Variants in RPS6KA2 observed in about 807,000 individuals in gnomAD.
The protein encoded by RPS6KA2 is ribosomal protein S6 kinase A2.
Under a neutral mutation model 91.8 loss-of-function variants are expected in RPS6KA2, and 42 were observed. The observed-to-expected ratio is 0.46, with a 90% CI of 0.36 to 0.59. The LOEUF is 0.59. Ranked by LOEUF, RPS6KA2 falls within the 20% of genes least tolerant of loss-of-function variation. The probability of loss-of-function intolerance (pLI) is 0.00; values close to 1 mark genes in which losing one functional copy is unlikely to be tolerated. For missense variants in RPS6KA2, 798 were observed against 978.5 expected (o/e 0.82, Z 2.46); for synonymous variants, 414 against 393.6 (o/e 1.05, Z -0.61).
Position 166,770,981 on chromosome 6 carries a change from T to C in RPS6KA2, c.123+87219A>G. On this transcript the variant is annotated intron_variant, in intron 2 of 21. Transcript: ENST00000503859. This position sits in a 1 kb window ranked among gnomAD's most constrained non-coding sequence, Gnocchi z 5.1. ...GACGTATTTACAGTCAGCAACTTCA[T>C]TAGCAAGGGCATTACTACCATACTC... is the stretch of plus-strand genomic sequence containing the variant. The C allele has an allele frequency of 7.1e-7, 1 of 1,400,886 alleles. No individual in the cohort carries two copies. Among genetic ancestry groups the C allele is most frequent in the Non-Finnish European group, 9.9e-7 (1 of 1,012,968 alleles). 86.8% of individuals were successfully genotyped at this position (1,400,886 alleles called of 1,614,324 possible).
chr6:166,501,798 C>A (rs191756393), intron 6 of RPS6KA2, among the ~76,000 whole-genome samples: 3 of 152,300 alleles, frequency 2.0e-5, no homozygotes, highest in Admixed American at 1.3e-4. Context: ...GAGGTACCAG[C>A]CTAGCCCTAA....
In RPS6KA2 at chr6:166,494,023, C is replaced by T. The variant is rs1452457240; in HGVS notation, c.748-3282G>A. The stretch of plus-strand genomic sequence containing the variant: ...GGGAGACCCTTGGTGACAGGAGCCT[C>T]GATTTCAAGTTTACTTGGCCGATCA... On this transcript the variant is annotated intron_variant, in intron 8 of 20. Coordinates refer to ENST00000265678, the MANE Select transcript of RPS6KA2 (RefSeq NM_021135.6). The surrounding 1 kb of genome is among the most constrained non-coding windows in gnomAD (Gnocchi z 5.1). 2.6e-5 allele frequency among the ~76,000 whole-genome samples: 4 copies of T among 152,146 alleles called. No individual in the cohort carries two copies. Among genetic ancestry groups the T allele is most frequent in the Admixed American group, 6.5e-5 (1 of 15,288 alleles).
At chr6:166,832,624 A>G (rs1337601488) in intron 2 of RPS6KA2, among the ~76,000 whole-genome samples, 1 of 152,232 alleles carries the variant, frequency 6.6e-6, no homozygotes, top group Non-Finnish European at 1.5e-5. Context: ...CTTAAGAAGC[A>G]TGCTGGGAGG....
At chr6:166,587,536 G>A (rs6928849) in intron 1 of RPS6KA2, among the ~76,000 whole-genome samples, 53,721 of 151,754 alleles carry the variant, frequency 0.35, 9,825 homozygotes, top group East Asian at 0.54. Flanking sequence ...GCATAGAGTG[G>A]GTTCTCAAAA....
chr6:166,737,272 G>A lies in RPS6KA2; in HGVS notation c.123+120928C>T, dbSNP rs1434560285. Among the ~76,000 whole-genome samples, 7 of 152,178 alleles carry A rather than the reference G, an allele frequency of 4.6e-5. No homozygotes were observed. The highest frequency in any genetic ancestry group is 8.8e-5 in the Non-Finnish European group (6 of 68,032). The stretch of plus-strand genomic sequence containing the variant: ...TATTTAGAAGCAAATAAATCTGCAA[G>A]GCTATTGGCGTCTCTCCCTAATAAA... On this transcript the variant is annotated intron_variant, in intron 2 of 21. Coordinates refer to the RPS6KA2 transcript ENST00000503859. The surrounding 1 kb of genome is among the most constrained non-coding windows in gnomAD (Gnocchi z 4.3).
At chr6:166,742,042 C>T (rs539311417) in intron 2 of RPS6KA2, among the ~76,000 whole-genome samples, 78 of 152,254 alleles carry the variant, frequency 5.1e-4, no homozygotes, top group African/African-American at 1.7e-3. Flanking sequence ...GCAGGAGAAT[C>T]GCTTGAATTT....
At chr6:166,606,878 C>T (rs1240028830) in intron 1 of RPS6KA2, among the ~76,000 whole-genome samples, 4 of 152,124 alleles carry the variant, frequency 2.6e-5, no homozygotes, top group East Asian at 1.9e-4. Flanking sequence ...TGGTGGCTCA[C>T]GCCTGTAATC....
intron 2 of RPS6KA2, among the ~76,000 whole-genome samples, chr6:166,829,521 C>T (rs1203687399): frequency 7.3e-6 from 1 of 137,586 alleles, no homozygotes. Flanking sequence ...AACCTGGAGG[C>T]GGAGCTTGCA....
chr6:166,525,553 C>T (rs1782996272), intron 3 of RPS6KA2, among the ~76,000 whole-genome samples: 2 of 152,168 alleles, frequency 1.3e-5, no homozygotes, highest in Admixed American at 6.5e-5. Flanking sequence ...CATTATCCTC[C>T]GAGGTGAGCT....
intron 2 of RPS6KA2, among the ~76,000 whole-genome samples, chr6:166,708,088 G>A (rs1290527905): frequency 1.3e-5 from 2 of 151,946 alleles, no homozygotes; most frequent in Non-Finnish European, 2.9e-5. Flanking sequence ...ACAGAAAAAA[G>A]GAAAATATTC....
At chr6:166,432,275 G>A (rs1269841590) in intron 15 of RPS6KA2, 126 bp downstream of exon 15, 2 of 667,382 alleles carry the variant, frequency 3.0e-6, no homozygotes, top group Non-Finnish European at 5.4e-6. Context: ...ACTGAGATAT[G>A]TGGGTGGTGG....
intron 1 of RPS6KA2, among the ~76,000 whole-genome samples, chr6:166,572,132 C>T (rs1043384848): frequency 6.6e-6 from 1 of 152,074 alleles, no homozygotes; most frequent in Non-Finnish European, 1.5e-5. Context: ...TAGCAAAACT[C>T]CTACATAGAT....
Position 166,825,445 on chromosome 6 carries a change from G to A in RPS6KA2, c.123+32755C>T, listed in dbSNP as rs1226131603. Among the ~76,000 whole-genome samples, 1 of 152,142 alleles carries A rather than the reference G, an allele frequency of 6.6e-6. No individual in the cohort carries two copies. Among genetic ancestry groups the A allele is most frequent in the East Asian group, 1.9e-4 (1 of 5,202 alleles). On this transcript the variant is annotated intron_variant, in intron 2 of 21. Coordinates refer to the RPS6KA2 transcript ENST00000503859. The surrounding 1 kb of genome is among the most constrained non-coding windows in gnomAD (Gnocchi z 4.1). Reference sequence around the variant, plus strand: ...GAATACAGCAGAGAGGGACCCCTGGGCAGGCCTGCTTCCCCTGACATGACC... The same window carrying A: ...GAATACAGCAGAGAGGGACCCCTGGACAGGCCTGCTTCCCCTGACATGACC...
rs1790356217 is a variant in RPS6KA2 at position 166,726,951 on chromosome 6, A to C, written c.123+131249T>G. Among the ~76,000 whole-genome samples, 1 of 152,158 alleles carries C rather than the reference A, an allele frequency of 6.6e-6. No individual in the cohort carries two copies. Among genetic ancestry groups the C allele is most frequent in the Non-Finnish European group, 1.5e-5 (1 of 68,036 alleles). ...ACCTGATTTCCGTGAAGAATTTCCCACTTGCACTCATGAAGACATGGCCAT... is the reference window on the plus strand; with the variant it reads ...ACCTGATTTCCGTGAAGAATTTCCCCCTTGCACTCATGAAGACATGGCCAT... On this transcript the variant is annotated intron_variant, in intron 2 of 21. Coordinates refer to the RPS6KA2 transcript ENST00000503859. This position sits in a 1 kb window ranked among gnomAD's most constrained non-coding sequence, Gnocchi z 4.4.
intron 3 of RPS6KA2, among the ~76,000 whole-genome samples, chr6:166,512,736 G>A (rs1042295849): frequency 6.6e-6 from 1 of 152,178 alleles, no homozygotes; most frequent in Non-Finnish European, 1.5e-5. Context: ...TATACAAACC[G>A]GATGAGATGG....
At position 166,459,340 on chromosome 6, in the gene RPS6KA2, T is replaced by C; in HGVS notation, c.1075+109A>G. The C allele has an allele frequency of 1.4e-6, 1 of 690,476 alleles. No homozygotes were observed. The highest frequency in any genetic ancestry group is 2.5e-6 in the Non-Finnish European group (1 of 402,866). 42.8% of individuals were successfully genotyped at this position (690,476 alleles called of 1,614,324 possible). A position where few individuals can be genotyped will look rare whatever the true frequency, so the allele number is the denominator to read the frequency against. On this transcript the variant is annotated intron_variant, in intron 12 of 20. Coordinates refer to ENST00000265678, the MANE Select transcript of RPS6KA2 (RefSeq NM_021135.6). The surrounding 1 kb of genome is among the most constrained non-coding windows in gnomAD (Gnocchi z 4.9). The stretch of plus-strand genomic sequence containing the variant: ...AAACCCAAACAGAATGGACAGTTAT[T>C]TTCCATGAAAAGAATTCTGAGGCAT...
chr6:166,690,028 C>T (rs1789155916), intron 2 of RPS6KA2, among the ~76,000 whole-genome samples: 1 of 152,204 alleles, frequency 6.6e-6, no homozygotes, highest in Non-Finnish European at 1.5e-5. Context: ...GTCCCGCAAT[C>T]CCACCGCATG....
intron 2 of RPS6KA2, among the ~76,000 whole-genome samples, chr6:166,801,731 T>G (rs955551863): frequency 2.0e-5 from 3 of 152,224 alleles, no homozygotes; most frequent in African/African-American, 7.2e-5. Flanking sequence ...ATTTAAAATG[T>G]TCTGCATAAA....
At chr6:166,762,539 C>T (rs1051265216) in intron 2 of RPS6KA2, among the ~76,000 whole-genome samples, 2 of 152,152 alleles carry the variant, frequency 1.3e-5, no homozygotes, top group East Asian at 1.9e-4. Flanking sequence ...TTTTCCCTTA[C>T]GCAGCTGATC....
Sources: allele counts gnomAD v4.1 joint callset (sites outside exome capture counted in the v4.1 genomes callset), GRCh38; gene constraint gnomAD v4.1.1; non-coding constraint Gnocchi (gnomAD v3.1); transcripts MANE v1.5; gene names NCBI Gene and HGNC (gene_info 2026-07-23, HGNC 2026-07-21).